GPC6: variants seen among roughly 807,000 people sequenced by gnomAD.
GPC6 encodes the protein glypican 6, also known as glypican-6.
In GPC6, 14 loss-of-function variants were observed where a neutral mutation model predicts 55.2. The ratio of observed to expected loss-of-function variants is 0.25; its 90% CI spans 0.17 to 0.40. The LOEUF is 0.40. Among genes scored for constraint, GPC6 ranks in the 10% least tolerant of loss-of-function variants. The pLI, the probability that GPC6 is intolerant of heterozygous loss-of-function variation, is 1.00. For missense variants in GPC6, 641 were observed against 708.5 expected, an observed-to-expected ratio of 0.90 and a Z score of 1.08; for synonymous variants, 278 against 259.6, an observed-to-expected ratio of 1.07 and a Z score of -0.68.
chr13:94,105,686 AAATT>A (rs1324530481), intron 4 of GPC6, among the ~76,000 whole-genome samples: 1 of 152,208 alleles, frequency 6.6e-6, no homozygotes, highest in Non-Finnish European at 1.5e-5. Flanking sequence ...GAAGAAAAGA[AAATT>A]AATTAGATTT....
chr13:94,236,901 CT>C (rs1890896407), intron 4 of GPC6, among the ~76,000 whole-genome samples: 1 of 102,952 alleles, frequency 9.7e-6, no homozygotes, highest in African/African-American at 3.5e-5. Context: ...TTTTTTTTTT[CT>C]CCTGAAAATT....
chr13:93,333,320 C>G (rs1879918412), intron 1 of GPC6, among the ~76,000 whole-genome samples: 1 of 152,096 alleles, frequency 6.6e-6, no homozygotes, highest in African/African-American at 2.4e-5. Flanking sequence ...ATTAATTTCT[C>G]CATTCCATGA....
intron 2 of GPC6, among the ~76,000 whole-genome samples, chr13:93,670,011 C>G (rs911370926): frequency 6.6e-6 from 1 of 152,136 alleles, no homozygotes; most frequent in Non-Finnish European, 1.5e-5. Flanking sequence ...CAGCTTCAGT[C>G]GCTTGAGTAC....
intron 3 of GPC6, among the ~76,000 whole-genome samples, chr13:93,953,624 T>G (rs1265344085): frequency 6.6e-6 from 1 of 152,230 alleles, no homozygotes. Context: ...TTTTGAATTG[T>G]CATGCAACAT....
At chr13:93,886,236 G>A (rs1043389715) in intron 3 of GPC6, among the ~76,000 whole-genome samples, 1 of 152,166 alleles carries the variant, frequency 6.6e-6, no homozygotes, top group Non-Finnish European at 1.5e-5. Context: ...AAAATGTGTG[G>A]TTGGAATAAT....
intron 2 of GPC6, among the ~76,000 whole-genome samples, chr13:93,569,934 A>G (rs1876322582): frequency 6.6e-6 from 1 of 152,144 alleles, no homozygotes; most frequent in Admixed American, 6.6e-5. Flanking sequence ...TGTTGGACAC[A>G]ATAAGGACTA....
intron 4 of GPC6, among the ~76,000 whole-genome samples, chr13:94,285,969 CT>C (rs1317166151): frequency 1.3e-5 from 2 of 152,178 alleles, no homozygotes; most frequent in African/African-American, 2.4e-5. Context: ...CAAATCAGCA[CT>C]TCTTCCCTCA....
At chr13:93,545,213 C>G in intron 1 of GPC6, 50 bp from the exon 2 acceptor site, 1 of 1,504,894 alleles carries the variant, frequency 6.6e-7, no homozygotes, top group Non-Finnish European at 9.2e-7. Context: ...TCTCTAACGT[C>G]TACCAAAAGT....
intron 2 of GPC6, among the ~76,000 whole-genome samples, chr13:93,597,654 A>G (rs1366591054): frequency 6.6e-6 from 1 of 152,150 alleles, no homozygotes; most frequent in South Asian, 2.1e-4. Context: ...GAAGACCTTT[A>G]TGACTGTCCA....
chr13:93,576,167 A>G (rs1165860893), intron 2 of GPC6, among the ~76,000 whole-genome samples: 1 of 151,568 alleles, frequency 6.6e-6, no homozygotes, highest in Admixed American at 6.6e-5. Flanking sequence ...TTGTTGCTAT[A>G]GTGAGAGAAA....
intron 2 of GPC6, among the ~76,000 whole-genome samples, chr13:93,693,130 G>A (rs1023229579): frequency 1.9e-4 from 29 of 152,246 alleles, no homozygotes; most frequent in African/African-American, 6.5e-4. Context: ...AAGCCTGGGT[G>A]TACATTGTTG....
At chr13:94,143,928 G>A (rs1240895289) in intron 4 of GPC6, among the ~76,000 whole-genome samples, 1 of 152,108 alleles carries the variant, frequency 6.6e-6, no homozygotes, top group Non-Finnish European at 1.5e-5. Context: ...TTGAAAGTAA[G>A]GCTAACTTGA....
Position 93,257,643 on chromosome 13 carries a change from C to T in GPC6, c.160+30027C>T, listed in dbSNP as rs561721188. Reference sequence around the variant, plus strand: ...CATAATCCTTACATCATCTTTTCATCATAGGCATCATCACCACATTTTACA... The same window carrying T: ...CATAATCCTTACATCATCTTTTCATTATAGGCATCATCACCACATTTTACA... On this transcript the variant is annotated intron_variant, in intron 1 of 8. Transcript: ENST00000377047. 5.9e-4 allele frequency among the ~76,000 whole-genome samples: 90 copies of T among 152,240 alleles called. 1 individual carries two copies. The Middle Eastern group carries it at 0.014, about 23-fold the overall frequency.
At chr13:93,697,232 G>A (rs911820413) in intron 2 of GPC6, among the ~76,000 whole-genome samples, 5 of 152,016 alleles carry the variant, frequency 3.3e-5, no homozygotes, top group African/African-American at 1.2e-4. Context: ...CTTCTTGCTG[G>A]GACTCAAACA....
At chr13:93,957,057 A>T (rs548768873) in intron 3 of GPC6, among the ~76,000 whole-genome samples, 3 of 152,196 alleles carry the variant, frequency 2.0e-5, no homozygotes, top group Non-Finnish European at 4.4e-5. Context: ...GAAGGACAAA[A>T]TGTCTGGGCC....
At chr13:93,432,964 GAA>G (rs994452624) in intron 1 of GPC6, among the ~76,000 whole-genome samples, 16 of 160 alleles carry the variant, frequency 0.1, no homozygotes, top group East Asian at 0.5. Context: ...AAAGAAAAAA[GAA>G]GAGGGAGAAA....
chr13:93,444,407 G>C (rs999272175), intron 1 of GPC6, among the ~76,000 whole-genome samples: 6 of 152,056 alleles, frequency 3.9e-5, no homozygotes, highest in South Asian at 2.1e-4. Context: ...AGAGGTTTGA[G>C]ACCAGCCTGC....
intron 3 of GPC6, among the ~76,000 whole-genome samples, chr13:93,895,901 GA>G (rs2140322396): frequency 6.6e-6 from 1 of 152,154 alleles, no homozygotes; most frequent in South Asian, 2.1e-4. Flanking sequence ...GGAGATGGGG[GA>G]ATACAGCGGG....
intron 2 of GPC6, among the ~76,000 whole-genome samples, chr13:93,629,296 T>A (rs540349211): frequency 1.7e-4 from 26 of 152,260 alleles, no homozygotes; most frequent in African/African-American, 6.3e-4. Context: ...AAATTCTTAT[T>A]TCTCTTTTTG....
Sources: allele counts gnomAD v4.1 joint callset (sites outside exome capture counted in the v4.1 genomes callset), GRCh38; gene constraint gnomAD v4.1.1; transcripts MANE v1.5; gene names NCBI Gene and HGNC (gene_info 2026-07-23, HGNC 2026-07-21).